The following ADARB2 variants were observed in gnomAD, a reference collection of about 807,000 sequenced individuals.
The protein encoded by ADARB2 is inactive double-stranded RNA-specific editase B2.
A neutral mutation model predicts 62.2 loss-of-function variants in ADARB2; 25 were observed. That is an observed-to-expected ratio of 0.40 (90% CI 0.29 to 0.56). The LOEUF is 0.56. Ranked by LOEUF, ADARB2 falls within the 20% of genes least tolerant of loss-of-function variation. ADARB2 has a pLI of 0.43. For synonymous variants in ADARB2, 572 were observed against 500.8 expected (o/e 1.14, Z -1.90); for missense variants, 1,071 against 1,077.4 (o/e 0.99, Z 0.08).
intron 1 of ADARB2, among the ~76,000 whole-genome samples, chr10:1,476,817 G>C (rs1017080776): frequency 6.6e-6 from 1 of 152,170 alleles, no homozygotes; most frequent in African/African-American, 2.4e-5. Flanking sequence ...GGGCCAGGAG[G>C]TTGCAGGTGC....
intron 1 of ADARB2, among the ~76,000 whole-genome samples, chr10:1,481,069 C>T (rs563661228): frequency 3.9e-4 from 59 of 152,256 alleles, no homozygotes; most frequent in Middle Eastern, 3.4e-3. Context: ...GACTTCAAAA[C>T]GTACTACAAA....
At chr10:1,717,047 C>T (rs1835027416) in intron 1 of ADARB2, among the ~76,000 whole-genome samples, 1 of 147,706 alleles carries the variant, frequency 6.8e-6, no homozygotes, top group Non-Finnish European at 1.5e-5. Context: ...TTATTCTGAT[C>T]ACAAGTTATT....
At chr10:1,261,485 C>T (rs1389743451) in intron 4 of ADARB2, among the ~76,000 whole-genome samples, 2 of 150,212 alleles carry the variant, frequency 1.3e-5, no homozygotes, top group Admixed American at 1.3e-4. Flanking sequence ...AAAAAGTGGG[C>T]AAAGGACATG....
Position 1,398,836 on chromosome 10 carries a change from G to C in ADARB2, c.101-19676C>G, listed in dbSNP as rs1832637842. Among the ~76,000 whole-genome samples the C allele has an allele frequency of 6.6e-6, 1 of 152,160 alleles. No homozygotes were observed. The highest frequency in any genetic ancestry group is 2.1e-4 in the South Asian group (1 of 4,820). ...GAAGAGATTTTCTCCCTCCGCAGCA[G>C]CAGCGCAGCCTGCACGAGGTTGCTG... On this transcript the variant is annotated intron_variant, in intron 1 of 9. Transcript: ENST00000381312. The surrounding 1 kb of genome is among the most constrained non-coding windows in gnomAD (Gnocchi z 4.1).
chr10:1,641,944 T>G (rs1201656796), intron 1 of ADARB2, among the ~76,000 whole-genome samples: 1 of 152,090 alleles, frequency 6.6e-6, no homozygotes, highest in African/African-American at 2.4e-5. Context: ...AACCAGGAGC[T>G]GGAGGTTGAA....
chr10:1,451,128 CTGCCCATCTTTGTGTGACAAGTGTT>C lies in ADARB2; in HGVS notation c.101-71993_101-71969del, dbSNP rs1831030945. 2.0e-5 allele frequency among the ~76,000 whole-genome samples: 3 copies of C among 152,368 alleles called. No individual in the cohort carries two copies. In the South Asian group the frequency reaches 6.2e-4, roughly 32 times the overall value. ...TCCTACAGCAAAGAAGAAGCCTGGT[CTGCCCATCTTTGTGTGACAAGTGTT>C]TGCAGGAAATAGTTCATCAAAAAAC... On this transcript the variant is annotated intron_variant, in intron 1 of 9. Transcript: ENST00000381312.
chr10:1,673,872 C>T (rs909917833), intron 1 of ADARB2, among the ~76,000 whole-genome samples: 12 of 152,344 alleles, frequency 7.9e-5, no homozygotes, highest in Admixed American at 2.6e-4. Context: ...GGCCGGTTAC[C>T]GACTTCTCCC....
intron 3 of ADARB2, chr10:1,290,584 G>A (rs1831457109): frequency 6.6e-6 from 1 of 152,220 alleles, no homozygotes; most frequent in Non-Finnish European, 1.5e-5. Context: ...TGTTAGAGGT[G>A]CCTTCCAAGG....
intron 1 of ADARB2, among the ~76,000 whole-genome samples, chr10:1,714,992 T>TC (rs903121428): frequency 7.1e-6 from 1 of 141,102 alleles, no homozygotes; most frequent in Non-Finnish European, 1.5e-5. Flanking sequence ...CCTAATGCTA[T>TC]CCCTCCCCCC....
At chr10:1,211,259 TCTATCATCTATTAA>T (rs1489586463) in intron 7 of ADARB2, among the ~76,000 whole-genome samples, 9 of 152,232 alleles carry the variant, frequency 5.9e-5, no homozygotes, top group Non-Finnish European at 1.0e-4. Context: ...TCTGTTATCA[TCTATCATCTATTAA>T]CTATCATCTG....
rs780214711 is a variant in ADARB2 at position 1,634,168 on chromosome 10, C to G, written c.100+102883G>C. On this transcript the variant is annotated intron_variant, in intron 1 of 9. Coordinates refer to ENST00000381312, the MANE Select transcript of ADARB2 (RefSeq NM_018702.4). ...ACACCGGGAGGACCCTGGGGCCACA[C>G]CCGCTCCAGAGTCAGATTCAAGTAA... Among the ~76,000 whole-genome samples the G allele has an allele frequency of 4.6e-5, 7 of 152,296 alleles. No individual in the cohort carries two copies. The South Asian group carries it at 1.2e-3, about 27-fold the overall frequency.
At position 1,710,924 on chromosome 10, in the gene ADARB2, G is replaced by A. The variant is rs1028216194; in HGVS notation, c.100+26127C>T. On this transcript the variant is annotated intron_variant, in intron 1 of 9. Coordinates refer to ENST00000381312, the MANE Select transcript of ADARB2 (RefSeq NM_018702.4). ...CCCAGGCCTGTCCGGTGGTCCTGCA[G>A]GGTCAAATGTAACCAACCTAGAGGA... Among the ~76,000 whole-genome samples the A allele has an allele frequency of 5.9e-5, 9 of 152,162 alleles. No individual in the cohort carries two copies. The South Asian group carries it at 1.9e-3, about 32-fold the overall frequency.
intron 1 of ADARB2, among the ~76,000 whole-genome samples, chr10:1,612,061 G>A (rs1445534077): frequency 1.3e-5 from 2 of 152,164 alleles, no homozygotes; most frequent in African/African-American, 4.8e-5. Flanking sequence ...GGTTCGGGCC[G>A]ACCAGGGAGA....
chr10:1,426,307 C>T lies in ADARB2; in HGVS notation c.101-47147G>A, dbSNP rs922092547. Among the ~76,000 whole-genome samples the T allele has an allele frequency of 6.6e-6, 1 of 152,158 alleles. No individual in the cohort carries two copies. Among genetic ancestry groups the T allele is most frequent in the Non-Finnish European group, 1.5e-5 (1 of 68,040 alleles). Reference sequence around the variant, plus strand: ...CCTCTGAAATGTACAGTTCTGTTGTCGTCACTGTGTATAAACAGAACAAGG... The same window carrying T: ...CCTCTGAAATGTACAGTTCTGTTGTTGTCACTGTGTATAAACAGAACAAGG... On this transcript the variant is annotated intron_variant, in intron 1 of 9. Coordinates refer to ENST00000381312, the MANE Select transcript of ADARB2 (RefSeq NM_018702.4). The surrounding 1 kb of genome is among the most constrained non-coding windows in gnomAD (Gnocchi z 4.1).
At chr10:1,413,308 C>T (rs1313296829) in intron 1 of ADARB2, among the ~76,000 whole-genome samples, 1 of 152,152 alleles carries the variant, frequency 6.6e-6, no homozygotes, top group Non-Finnish European at 1.5e-5. Context: ...GACACTGACA[C>T]AGCACTGGGG....
intron 1 of ADARB2, among the ~76,000 whole-genome samples, chr10:1,593,601 G>A (rs528022719): frequency 1.9e-4 from 29 of 152,212 alleles, no homozygotes; most frequent in Non-Finnish European, 3.8e-4. Flanking sequence ...TAATAAGTGC[G>A]GGCTTAAAGA....
intron 2 of ADARB2, among the ~76,000 whole-genome samples, chr10:1,365,987 C>A (rs1832310365): frequency 6.6e-6 from 1 of 152,074 alleles, no homozygotes; most frequent in South Asian, 2.1e-4. Context: ...AAATAGGATG[C>A]CAGATAATAA....
At chr10:1,373,635 G>A (rs1832393886) in intron 2 of ADARB2, among the ~76,000 whole-genome samples, 1 of 152,184 alleles carries the variant, frequency 6.6e-6, no homozygotes, top group African/African-American at 2.4e-5. Flanking sequence ...AAATGGCAGG[G>A]GAACTGAGCA....
At chr10:1,298,151 T>G (rs1175713282) in intron 3 of ADARB2, among the ~76,000 whole-genome samples, 2 of 152,168 alleles carry the variant, frequency 1.3e-5, no homozygotes, top group Non-Finnish European at 2.9e-5. Context: ...GCCTCCCACA[T>G]GCCAGGCAGC....
Sources: allele counts gnomAD v4.1 joint callset (sites outside exome capture counted in the v4.1 genomes callset), GRCh38; gene constraint gnomAD v4.1.1; non-coding constraint Gnocchi (gnomAD v3.1); transcripts MANE v1.5; gene names NCBI Gene and HGNC (gene_info 2026-07-23, HGNC 2026-07-21).